FAT3: variants seen among roughly 807,000 people sequenced by gnomAD.
FAT3 encodes the protein FAT atypical cadherin 3.
In FAT3, 95 loss-of-function variants were observed where a neutral mutation model predicts 310.2. That is an observed-to-expected ratio of 0.31 (90% confidence interval 0.26 to 0.36). FAT3 has a LOEUF of 0.36. FAT3 is among the 10% of genes least tolerant of loss of function. The pLI is 1.00. For synonymous variants in FAT3, 2,314 were observed against 2,192.9 expected (o/e 1.06, Z -1.54); for missense variants, 5,408 against 5,715.6 (o/e 0.95, Z 1.74).
chr11:92,743,988 T>C (rs1303606662), intron 4 of FAT3, among the ~76,000 whole-genome samples: 2 of 152,170 alleles, frequency 1.3e-5, no homozygotes, highest in Admixed American at 6.5e-5. Flanking sequence ...CCTCTATAAC[T>C]GTAAGAAGCG....
intron 2 of FAT3, among the ~76,000 whole-genome samples, chr11:92,368,972 T>C (rs1436035330): frequency 6.6e-6 from 1 of 151,846 alleles, no homozygotes. Context: ...TATGTGTGTA[T>C]GTGTATATAT....
rs190374839 is a variant in FAT3 at position 92,460,029 on chromosome 11, A to G, written c.3293-64605A>G. ...CTTTGGCCCAGGGTTTATTGCTGCC[A>G]GGGACCTATTTATTAGCCAGCTTTA... is the stretch of plus-strand genomic sequence containing the variant. On this transcript the variant is annotated intron_variant, in intron 2 of 27. Coordinates refer to ENST00000525166, the MANE Select transcript of FAT3 (RefSeq NM_001367949.2). Among the ~76,000 whole-genome samples, 491 of 152,072 alleles carry G rather than the reference A, an allele frequency of 3.2e-3. 2 individuals carry two copies. Among genetic ancestry groups the G allele is most frequent in the Admixed American group, 7.9e-3 (120 of 15,270 alleles).
intron 1 of FAT3, among the ~76,000 whole-genome samples, chr11:92,265,250 A>G (rs559272170): frequency 1.3e-5 from 2 of 151,890 alleles, no homozygotes; most frequent in African/African-American, 4.8e-5. Context: ...TGACTAGACT[A>G]GGAACAAAAA....
At chr11:92,584,912 G>A (rs1565433744) in intron 3 of FAT3, among the ~76,000 whole-genome samples, 1 of 152,012 alleles carries the variant, frequency 6.6e-6, no homozygotes, top group Non-Finnish European at 1.5e-5. Flanking sequence ...GCCTTGAGCT[G>A]TGTTTTGAAT....
intron 3 of FAT3, among the ~76,000 whole-genome samples, chr11:92,582,211 C>G (rs1262508968): frequency 6.6e-6 from 1 of 151,764 alleles, no homozygotes; most frequent in South Asian, 2.1e-4. Flanking sequence ...TTTATTGCAA[C>G]CTGTTTTATC....
At chr11:92,709,743 G>A (rs1166736593) in intron 4 of FAT3, among the ~76,000 whole-genome samples, 2 of 152,204 alleles carry the variant, frequency 1.3e-5, no homozygotes, top group East Asian at 1.9e-4. Context: ...ACCTAGGTGG[G>A]AAGTTTGAGG....
At position 92,800,940 on chromosome 11, in the gene FAT3, G is replaced by A. The variant is rs1476528585; in HGVS notation, c.7927G>A (p.Ala2643Thr). ...GATTACTTATTCCCTCTATAGCGAG[G>A]CCTCTGTTTCAGTGGCCGACCTCCT... Reference protein sequence around the residue: ...SRITYSLYSEASVSVADLLEI... With the variant: ...SRITYSLYSETSVSVADLLEI... Residue 2643 changes from alanine (A) to threonine (T), a missense_variant, in exon 10 of 28, where the codon GCC (alanine) becomes ACC (threonine). Around this residue, in one of 5 missense-constraint regions of FAT3, gnomAD observed 4,588 missense variants for 4,809.8 expected, o/e 0.95. Transcript: ENST00000525166. The A allele has an allele frequency of 3.7e-6, 6 of 1,612,880 alleles. No individual in the cohort carries two copies. Among genetic ancestry groups the A allele is most frequent in the Non-Finnish European group, 5.1e-6 (6 of 1,179,456 alleles).
At chr11:92,455,636 A>G (rs1591313187) in intron 2 of FAT3, among the ~76,000 whole-genome samples, 1 of 152,162 alleles carries the variant, frequency 6.6e-6, no homozygotes, top group East Asian at 1.9e-4. Context: ...TACTCAGCAG[A>G]AAGTCCCTTA....
At chr11:92,492,124 T>G (rs1952618498) in intron 2 of FAT3, among the ~76,000 whole-genome samples, 1 of 152,112 alleles carries the variant, frequency 6.6e-6, no homozygotes, top group Non-Finnish European at 1.5e-5. Flanking sequence ...TGAACTAATT[T>G]GTAATTATAT....
At chr11:92,601,910 G>C (rs1357371438) in intron 3 of FAT3, among the ~76,000 whole-genome samples, 4 of 151,836 alleles carry the variant, frequency 2.6e-5, no homozygotes, top group Non-Finnish European at 5.9e-5. Flanking sequence ...AACATTTACT[G>C]CCGTGTGCCT....
At chr11:92,243,567 C>A (rs1864757357) in intron 1 of FAT3, among the ~76,000 whole-genome samples, 1 of 151,944 alleles carries the variant, frequency 6.6e-6, no homozygotes, top group South Asian at 2.1e-4. Context: ...TATTTTGCAT[C>A]CTGCCAAATT....
At position 92,801,886 on chromosome 11, in the gene FAT3, G is replaced by A. The variant is rs368058951; in HGVS notation, c.8873G>A (p.Arg2958His). 389 of 1,613,584 alleles carry A rather than the reference G, an allele frequency of 2.4e-4. No individual in the cohort carries two copies. The highest frequency in any genetic ancestry group is 3.2e-4 in the Non-Finnish European group (373 of 1,179,724). The change falls in exon 10 of 28, where the codon CGC becomes CAC. Residue 2958 changes from arginine (R) to histidine (H), a missense_variant. Arg to His is a conservative substitution (Grantham distance 29). Transcript: ENST00000525166. ...TWDRDTSDVN[R>H]QVSYHITGGN... ...GACAGAGACACATCCGACGTTAATC[G>A]CCAAGTGAGCTACCATATTACAGGT...
In FAT3 at chr11:92,351,261, A is replaced by G. The variant is rs1948557741; in HGVS notation, c.-17-835A>G. Among the ~76,000 whole-genome samples the G allele has an allele frequency of 2.6e-5, 4 of 152,162 alleles. No homozygotes were observed. In the South Asian group the frequency reaches 8.3e-4, roughly 32 times the overall value. ...TTGACACTTTGTTCATTCTCATGGC[A>G]TTGCATTATTCATAAACCTTGATCA... On this transcript the variant is annotated intron_variant, in intron 1 of 27. Coordinates refer to ENST00000525166, the MANE Select transcript of FAT3 (RefSeq NM_001367949.2).
intron 2 of FAT3, among the ~76,000 whole-genome samples, chr11:92,369,773 G>A (rs1482690121): frequency 6.6e-6 from 1 of 152,100 alleles, no homozygotes; most frequent in East Asian, 1.9e-4. Context: ...CTTGAACCTG[G>A]GAGACAAAGG....
At chr11:92,373,511 T>C (rs1346048649) in intron 2 of FAT3, among the ~76,000 whole-genome samples, 1 of 152,230 alleles carries the variant, frequency 6.6e-6, no homozygotes, top group Non-Finnish European at 1.5e-5. Flanking sequence ...TTGTGCATTC[T>C]ATTTTCTCAT....
intron 1 of FAT3, among the ~76,000 whole-genome samples, chr11:92,313,172 G>C (rs955594182): frequency 6.6e-6 from 1 of 152,196 alleles, no homozygotes; most frequent in African/African-American, 2.4e-5. Flanking sequence ...ATTTGCTTAT[G>C]TGTGATTTCC....
intron 22 of FAT3, among the ~76,000 whole-genome samples, chr11:92,868,141 A>G (rs950851072): frequency 6.6e-6 from 1 of 152,328 alleles, no homozygotes. Context: ...CAGTCGTGTC[A>G]TTAGGAAATT....
chr11:92,592,318 CTTTTTTTTTTTTT>C (rs753531647), intron 3 of FAT3, among the ~76,000 whole-genome samples: 5 of 108,254 alleles, frequency 4.6e-5, no homozygotes, highest in African/African-American at 1.8e-4. Flanking sequence ...TCCTAATTGT[CTTTTTTTTTTTTT>C]TTTTTTTTGA....
chr11:92,466,942 A>G (rs1319912755), intron 2 of FAT3, among the ~76,000 whole-genome samples: 1 of 151,948 alleles, frequency 6.6e-6, no homozygotes, highest in East Asian at 1.9e-4. Context: ...ATAGTATTCC[A>G]TGGTGTATAT....
Sources: gnomAD v4.1 joint callset for allele counts (sites outside exome capture counted in the v4.1 genomes callset) on GRCh38, gnomAD v4.1.1 for gene constraint, gnomAD v4.1.1 regional missense constraint, MANE v1.5 for transcripts, NCBI Gene and HGNC (gene_info 2026-07-23, HGNC 2026-07-21) for gene names.